PDE9A: variants seen among roughly 807,000 people sequenced by gnomAD.
PDE9A encodes phosphodiesterase 9A, also known as high affinity cGMP-specific 3',5'-cyclic phosphodiesterase 9A.
Under a neutral mutation model 87.4 loss-of-function variants are expected in PDE9A, and 60 were observed. The observed-to-expected ratio is 0.69, with a 90% CI of 0.56 to 0.85. The LOEUF (loss-of-function observed/expected upper bound fraction) is 0.85. Ranked by LOEUF, PDE9A falls within the 40% of genes least tolerant of loss-of-function variation. The pLI, the probability that PDE9A is intolerant of heterozygous loss-of-function variation, is 0.00. For missense variants in PDE9A, 665 were observed against 779.0 expected (o/e 0.85, Z 1.74); for synonymous variants, 272 against 279.4 (o/e 0.97, Z 0.27).
intron 4 of PDE9A, among the ~76,000 whole-genome samples, chr21:42,712,376 C>T (rs2049431314): frequency 6.6e-6 from 1 of 152,100 alleles, no homozygotes; most frequent in Non-Finnish European, 1.5e-5. Flanking sequence ...GGCGTTGGAT[C>T]CTGTGAATTT....
At chr21:42,687,509 A>C (rs966919941) in intron 2 of PDE9A, among the ~76,000 whole-genome samples, 15 of 152,134 alleles carry the variant, frequency 9.9e-5, no homozygotes, top group Non-Finnish European at 2.1e-4. Flanking sequence ...ATTTAAAACT[A>C]TTTTGTAGGA....
rs58917556 is a variant in PDE9A at position 42,740,755 on chromosome 21, GGATAGATAGATA to G, written c.569-2988_569-2977del. 3.9e-3 allele frequency among the ~76,000 whole-genome samples: 549 copies of G among 140,128 alleles called. 3 individuals are homozygous for G. The highest frequency in any genetic ancestry group is 9.4e-3 in the African/African-American group (351 of 37,152). The allele number at this position is 140,128 out of a possible 152,430, so 91.9% of individuals were successfully genotyped here. On this transcript the variant is annotated intron_variant, in intron 7 of 19. Coordinates refer to ENST00000291539, the MANE Select transcript of PDE9A (RefSeq NM_002606.3). ...AGATAGATAGATAGATAGATAAACA[GGATAGATAGATA>G]GATAGATAGATAGATAGATAGATAG...
intron 4 of PDE9A, among the ~76,000 whole-genome samples, chr21:42,712,631 A>G (rs765834724): frequency 6.6e-6 from 1 of 152,194 alleles, no homozygotes; most frequent in Admixed American, 6.5e-5. Flanking sequence ...ACCATTACAT[A>G]CGATGTTAGC....
intron 1 of PDE9A, among the ~76,000 whole-genome samples, chr21:42,668,891 T>G (rs1379440634): frequency 1.8e-5 from 2 of 108,850 alleles, no homozygotes; most frequent in Admixed American, 8.7e-5. Context: ...TCAGAGCTGC[T>G]CCCTCCACCC....
intron 1 of PDE9A, 54 bp downstream of exon 1, chr21:42,653,937 G>A (rs2056838667): frequency 1.8e-6 from 2 of 1,105,964 alleles, no homozygotes; most frequent in Admixed American, 4.4e-5. Flanking sequence ...ACAGCGCCGG[G>A]GCCGGGCGCG....
intron 8 of PDE9A, among the ~76,000 whole-genome samples, chr21:42,746,094 G>A (rs568148083): frequency 1.3e-5 from 2 of 152,330 alleles, no homozygotes; most frequent in East Asian, 1.9e-4. Flanking sequence ...GGAGTGAGTG[G>A]TGAGACAGCC....
At position 42,675,485 on chromosome 21, in the gene PDE9A, A is replaced by G. The variant is rs1344894797; in HGVS notation, c.70-10707A>G. ...CTGGCACTTAATAAATGCTCTTATT[A>G]GTATGTTTATCTTCATTATGTCCCT... is the stretch of plus-strand genomic sequence containing the variant. On this transcript the variant is annotated intron_variant, in intron 1 of 19. Transcript: ENST00000291539. This position sits in a 1 kb window ranked among gnomAD's most constrained non-coding sequence, Gnocchi z 4.3. Among the ~76,000 whole-genome samples the G allele has an allele frequency of 6.6e-6, 1 of 152,226 alleles. No individual in the cohort carries two copies. Among genetic ancestry groups the G allele is most frequent in the East Asian group, 1.9e-4 (1 of 5,202 alleles).
Position 42,695,239 on chromosome 21 carries a change from C to G in PDE9A, c.219-3729C>G, listed in dbSNP as rs926660605. On this transcript the variant is annotated intron_variant, in intron 3 of 19. Transcript: ENST00000291539. This position sits in a 1 kb window ranked among gnomAD's most constrained non-coding sequence, Gnocchi z 4.3. The stretch of plus-strand genomic sequence containing the variant: ...GACCAACAAATATAAAAAGTCATAG[C>G]CCAACCATGATCAAATAAGGCTCCA... Among the ~76,000 whole-genome samples, 36 of 152,198 alleles carry G rather than the reference C, an allele frequency of 2.4e-4. 1 individual carries two copies. The highest frequency in any genetic ancestry group is 1.3e-4 in the Admixed American group (2 of 15,288).
chr21:42,734,249 G>A (rs543538112), intron 7 of PDE9A: 1 of 152,340 alleles, frequency 6.6e-6, no homozygotes, highest in East Asian at 1.9e-4. Context: ...AAAAGGACTA[G>A]GGAGCCAAGG....
Position 42,753,069 on chromosome 21 carries a change from C to T in PDE9A, c.736-921C>T, listed in dbSNP as rs1248527804. Among the ~76,000 whole-genome samples, 9 of 152,274 alleles carry T rather than the reference C, an allele frequency of 5.9e-5. No homozygotes were observed. The East Asian group carries it at 1.4e-3, about 23-fold the overall frequency. On this transcript the variant is annotated intron_variant, in intron 9 of 19. Coordinates refer to ENST00000291539, the MANE Select transcript of PDE9A (RefSeq NM_002606.3). Reference sequence around the variant, plus strand: ...TCGCCCAGGCTGGTGTGCAGTGGCACGATCTTGGCTCACTGCAACCTCCCC... The same window carrying T: ...TCGCCCAGGCTGGTGTGCAGTGGCATGATCTTGGCTCACTGCAACCTCCCC...
At chr21:42,667,754 G>A (rs756971178) in intron 1 of PDE9A, among the ~76,000 whole-genome samples, 8 of 152,198 alleles carry the variant, frequency 5.3e-5, no homozygotes, top group South Asian at 2.1e-4. Flanking sequence ...CTAGAAACCC[G>A]TGGCAAGTTC....
intron 1 of PDE9A, among the ~76,000 whole-genome samples, chr21:42,671,353 T>C (rs2058553305): frequency 6.6e-6 from 1 of 152,262 alleles, no homozygotes; most frequent in South Asian, 2.1e-4. Context: ...GAATCCATGG[T>C]AATTTCTGTC....
chr21:42,747,098 C>CG (rs1183269973), intron 8 of PDE9A, among the ~76,000 whole-genome samples: 1 of 152,242 alleles, frequency 6.6e-6, no homozygotes, highest in African/African-American at 2.4e-5. Flanking sequence ...TGCCCCAGGC[C>CG]GGCGTTGCCA....
intron 1 of PDE9A, among the ~76,000 whole-genome samples, chr21:42,662,023 C>T (rs1173776704): frequency 6.6e-6 from 1 of 152,162 alleles, no homozygotes; most frequent in Non-Finnish European, 1.5e-5. Context: ...AAGTCATTCA[C>T]CCTCTCTGTG....
chr21:42,736,040 G>A (rs1016417909), intron 7 of PDE9A, among the ~76,000 whole-genome samples: 13 of 151,932 alleles, frequency 8.6e-5, no homozygotes, highest in African/African-American at 2.9e-4. Flanking sequence ...ACTACGGGGC[G>A]AGTGTGCAGA....
At chr21:42,693,997 A>G (rs2060011758) in intron 3 of PDE9A, among the ~76,000 whole-genome samples, 1 of 152,008 alleles carries the variant, frequency 6.6e-6, no homozygotes, top group Non-Finnish European at 1.5e-5. Context: ...TGATTCCAGC[A>G]CACAGTCTGG....
intron 1 of PDE9A, among the ~76,000 whole-genome samples, chr21:42,654,961 G>A (rs1277706119): frequency 1.3e-5 from 2 of 150,138 alleles, no homozygotes; most frequent in East Asian, 1.9e-4. Context: ...TGGGCAGCTG[G>A]GCAGCGGCAG....
At chr21:42,721,404 C>T (rs2050512510) in intron 4 of PDE9A, among the ~76,000 whole-genome samples, 1 of 152,204 alleles carries the variant, frequency 6.6e-6, no homozygotes, top group Non-Finnish European at 1.5e-5. Flanking sequence ...ATCTGAGTGG[C>T]TGAAACGCCA....
intron 4 of PDE9A, among the ~76,000 whole-genome samples, chr21:42,706,445 G>C (rs1406590425): frequency 6.6e-6 from 1 of 152,166 alleles, no homozygotes; most frequent in East Asian, 1.9e-4. Flanking sequence ...AGGAGTTTGA[G>C]ACCAGACTGG....
Sources: allele counts gnomAD v4.1 joint callset (sites outside exome capture counted in the v4.1 genomes callset), GRCh38; gene constraint gnomAD v4.1.1; non-coding constraint Gnocchi (gnomAD v3.1); transcripts MANE v1.5; gene names NCBI Gene and HGNC (gene_info 2026-07-23, HGNC 2026-07-21).